Variants in PRKG1 observed in about 807,000 individuals in gnomAD.
PRKG1 encodes protein kinase cGMP-dependent 1, also known as cGMP-dependent protein kinase 1.
PRKG1 carries 35 observed loss-of-function variants against 88.1 expected under a neutral mutation model. The ratio of observed to expected loss-of-function variants is 0.40; its 90% confidence interval spans 0.30 to 0.53. The LOEUF (loss-of-function observed/expected upper bound fraction) is 0.53, where lower values mean the gene tolerates loss of function less well. PRKG1 is among the 20% of genes least tolerant of loss of function. The pLI, the probability that PRKG1 is intolerant of heterozygous loss-of-function variation, is 0.59. For missense variants in PRKG1, 540 were observed against 839.8 expected (o/e 0.64, Z 4.41); for synonymous variants, 303 against 292.5 (o/e 1.04, Z -0.37).
At chr10:51,602,805 T>C (rs1838651634) in intron 3 of PRKG1, among the ~76,000 whole-genome samples, 1 of 150,860 alleles carries the variant, frequency 6.6e-6, no homozygotes, top group African/African-American at 2.4e-5. Context: ...TATATTAATT[T>C]TCCAACTGGT....
At chr10:51,862,391 G>T (rs755944993) in intron 4 of PRKG1, among the ~76,000 whole-genome samples, 3 of 152,108 alleles carry the variant, frequency 2.0e-5, no homozygotes, top group Non-Finnish European at 4.4e-5. Context: ...TGGGTTCCGG[G>T]TTCTTGTCCT....
chr10:52,200,065 T>G (rs1306025041), intron 9 of PRKG1, among the ~76,000 whole-genome samples: 1 of 152,170 alleles, frequency 6.6e-6, no homozygotes. Context: ...ATTTTGTTTG[T>G]TTTTAACTTT....
At chr10:51,013,731 G>A (rs1411315982) in intron 1 of PRKG1, among the ~76,000 whole-genome samples, 1 of 152,118 alleles carries the variant, frequency 6.6e-6, no homozygotes. Flanking sequence ...TAAGCCTAAT[G>A]AGAAAACAGG....
chr10:51,121,325 G>T (rs1205644719), intron 1 of PRKG1, among the ~76,000 whole-genome samples: 1 of 152,070 alleles, frequency 6.6e-6, no homozygotes, highest in Non-Finnish European at 1.5e-5. Flanking sequence ...CAGAGTTTTT[G>T]TTTAATAGTA....
intron 3 of PRKG1, among the ~76,000 whole-genome samples, chr10:51,501,640 T>G (rs191036439): frequency 2.5e-4 from 38 of 152,314 alleles, no homozygotes; most frequent in Non-Finnish European, 3.8e-4. Flanking sequence ...ATTTTCAGGA[T>G]AGCTTACATA....
intron 14 of PRKG1, 96 bp from the exon 15 acceptor site, chr10:52,288,630 T>C: frequency 2.3e-6 from 3 of 1,286,446 alleles, no homozygotes; most frequent in Non-Finnish European, 1.1e-6. Flanking sequence ...AGCCCCCAAA[T>C]ATGAATTGAT....
intron 3 of PRKG1, among the ~76,000 whole-genome samples, chr10:51,659,868 A>C (rs919199513): frequency 7.2e-5 from 11 of 152,086 alleles, no homozygotes; most frequent in Non-Finnish European, 1.2e-4. Flanking sequence ...GTAGAAATAT[A>C]ATGTGAACCA....
At chr10:51,053,784 T>G (rs568379241) in intron 1 of PRKG1, among the ~76,000 whole-genome samples, 191 of 151,878 alleles carry the variant, frequency 1.3e-3, no homozygotes, top group African/African-American at 4.4e-3. Flanking sequence ...TTTTGTTTTT[T>G]TTTTTTTTAA....
intron 4 of PRKG1, among the ~76,000 whole-genome samples, chr10:51,826,891 A>G (rs905870868): frequency 2.6e-5 from 4 of 152,202 alleles, no homozygotes; most frequent in African/African-American, 9.6e-5. Flanking sequence ...TATTGCCTGT[A>G]AGAAGACATT....
intron 3 of PRKG1, among the ~76,000 whole-genome samples, chr10:51,504,436 G>A (rs935127610): frequency 2.0e-5 from 3 of 152,006 alleles, no homozygotes; most frequent in African/African-American, 4.8e-5. Context: ...TTGGCTTAGG[G>A]TTGACTTGGC....
intron 3 of PRKG1, among the ~76,000 whole-genome samples, chr10:51,645,014 C>A (rs531493601): frequency 3.3e-5 from 5 of 152,214 alleles, no homozygotes; most frequent in African/African-American, 1.2e-4. Context: ...TCTCGAACTC[C>A]TAACCTAAAG....
At chr10:51,547,144 TA>T (rs1842461453) in intron 3 of PRKG1, among the ~76,000 whole-genome samples, 1 of 152,096 alleles carries the variant, frequency 6.6e-6, no homozygotes, top group Non-Finnish European at 1.5e-5. Flanking sequence ...AGACATGGAA[TA>T]AATGACTTTT....
At chr10:51,316,124 T>C (rs1841310087) in intron 2 of PRKG1, among the ~76,000 whole-genome samples, 2 of 152,208 alleles carry the variant, frequency 1.3e-5, no homozygotes, top group Admixed American at 6.5e-5. Context: ...CTTTTGATTT[T>C]ATCTCATTTT....
chr10:52,117,130 A>G (rs922211400), intron 7 of PRKG1, among the ~76,000 whole-genome samples: 1 of 147,808 alleles, frequency 6.8e-6, no homozygotes, highest in African/African-American at 2.5e-5. Flanking sequence ...TATAGGTATT[A>G]TTATATGCAT....
At chr10:51,812,917 G>T (rs1839493656) in intron 4 of PRKG1, among the ~76,000 whole-genome samples, 1 of 152,048 alleles carries the variant, frequency 6.6e-6, no homozygotes. Context: ...TCAACTGGTC[G>T]TTGTCAACTT....
intron 9 of PRKG1, among the ~76,000 whole-genome samples, chr10:52,216,309 A>G (rs1341410012): frequency 6.6e-6 from 1 of 152,210 alleles, no homozygotes; most frequent in Non-Finnish European, 1.5e-5. Context: ...TCACTCTGGG[A>G]GAGGTATCAC....
Position 52,273,684 on chromosome 10 carries a change from T to C in PRKG1, c.1403+1203T>C, listed in dbSNP as rs1304136695. Among the ~76,000 whole-genome samples the C allele has an allele frequency of 2.6e-5, 4 of 152,130 alleles. No homozygotes were observed. The East Asian group carries it at 7.7e-4, about 29-fold the overall frequency. On this transcript the variant is annotated intron_variant, in intron 12 of 17. Transcript: ENST00000373980. ...CTATTGCATCGGTATTTTATTTCAA[T>C]TCTTAAATTTAAGGTTAAAAAAGCA...
chr10:51,338,975 G>A (rs1180081002), intron 2 of PRKG1, among the ~76,000 whole-genome samples: 2 of 152,146 alleles, frequency 1.3e-5, no homozygotes, highest in South Asian at 2.1e-4. Context: ...AATAGGCCAT[G>A]TTTGGAAAGC....
chr10:51,154,184 C>A (rs747519218), intron 2 of PRKG1, among the ~76,000 whole-genome samples: 1 of 152,072 alleles, frequency 6.6e-6, no homozygotes, highest in Non-Finnish European at 1.5e-5. Flanking sequence ...TGTATTTGGG[C>A]AAGTCACTTA....
Sources: allele counts gnomAD v4.1 joint callset (sites outside exome capture counted in the v4.1 genomes callset), GRCh38; gene constraint gnomAD v4.1.1; transcripts MANE v1.5; gene names NCBI Gene and HGNC (gene_info 2026-07-23, HGNC 2026-07-21).